LRRIQ1: variants seen among roughly 807,000 people sequenced by gnomAD.
LRRIQ1 encodes leucine rich repeats and IQ motif containing 1, also known as leucine-rich repeat- and IQ domain-containing protein 1.
A neutral mutation model predicts 211.9 loss-of-function variants in LRRIQ1; 210 were observed. The observed-to-expected ratio is 0.99, with a 90% CI of 0.89 to 1.11. LRRIQ1 has a LOEUF of 1.11. Among genes scored for constraint, LRRIQ1 ranks in the 50% most tolerant of loss-of-function variants. The pLI is 0.00. For missense variants in LRRIQ1, 2,136 were observed against 1,939.5 expected, an observed-to-expected ratio of 1.10 and a Z score of -1.90; for synonymous variants, 699 against 650.1, an observed-to-expected ratio of 1.08 and a Z score of -1.14.
intron 17 of LRRIQ1, among the ~76,000 whole-genome samples, chr12:85,126,820 G>T (rs1888399724): frequency 6.9e-6 from 1 of 145,122 alleles, no homozygotes; most frequent in African/African-American, 2.4e-5. Flanking sequence ...TCCCAGAAAT[G>T]TATTACTATG....
chr12:85,240,927 A>C (rs1206156521), intron 26 of LRRIQ1, among the ~76,000 whole-genome samples: 1 of 152,106 alleles, frequency 6.6e-6, no homozygotes, highest in Non-Finnish European at 1.5e-5. Context: ...TTGTGTCCTA[A>C]TTGTGATAAT....
At chr12:85,089,137 G>A (rs1188153696) in intron 11 of LRRIQ1, among the ~76,000 whole-genome samples, 2 of 152,178 alleles carry the variant, frequency 1.3e-5, no homozygotes, top group Non-Finnish European at 2.9e-5. Flanking sequence ...TTTATTGAGA[G>A]TTTTTAGCAT....
rs911083803 is a variant in LRRIQ1, at chr12:85,047,396, G to C, written c.604G>C (p.Glu202Gln). The C allele has an allele frequency of 1.3e-6, 2 of 1,599,234 alleles. No homozygotes were observed. The highest frequency in any genetic ancestry group is 2.7e-5 in the African/African-American group (2 of 74,512). Residue 202 changes from glutamate to glutamine, a missense_variant, in exon 6 of 27, where the codon GAA becomes CAA. Physicochemically the swap from Glu to Gln is conservative, Grantham distance 29 (BLOSUM62 2). Transcript: ENST00000393217. Reference sequence around the variant, plus strand: ...GGATAGAGAAGAAAAACAATTTCAAGAAGAAGAAGAAAAGCGACATTGCTG... The same window carrying C: ...GGATAGAGAAGAAAAACAATTTCAACAAGAAGAAGAAAAGCGACATTGCTG... ...QRDREEKQFQ[E>Q]EEEKRHCWMK...
intron 24 of LRRIQ1, among the ~76,000 whole-genome samples, chr12:85,197,885 CATA>C (rs1376454843): frequency 1.0e-4 from 12 of 119,484 alleles, no homozygotes; most frequent in East Asian, 4.6e-4. Context: ...TTTAATAAAA[CATA>C]ATAAAAATAT....
At chr12:85,200,163 T>C (rs1893220075) in intron 24 of LRRIQ1, among the ~76,000 whole-genome samples, 1 of 152,144 alleles carries the variant, frequency 6.6e-6, no homozygotes, top group Non-Finnish European at 1.5e-5. Context: ...TTTATAATTA[T>C]TGTTGTAGAG....
intron 24 of LRRIQ1, among the ~76,000 whole-genome samples, chr12:85,217,726 A>ATGTGTATATATGTATATATATGTAACTG (rs1894218373): frequency 2.1e-5 from 3 of 144,096 alleles, no homozygotes; most frequent in African/African-American, 5.4e-5. Context: ...ATATGTATAT[A>ATGTGTATATATGTATATATATGTAACTG]TGTGTATATA....
At chr12:85,220,847 G>A (rs1592989462) in intron 24 of LRRIQ1, among the ~76,000 whole-genome samples, 2 of 132,338 alleles carry the variant, frequency 1.5e-5, no homozygotes, top group African/African-American at 5.8e-5. Context: ...TCGCTCTGTC[G>A]CCCAGGTTGG....
intron 21 of LRRIQ1, 150 bp downstream of exon 21, chr12:85,153,295 G>C: frequency 1.2e-6 from 1 of 821,570 alleles, no homozygotes; most frequent in South Asian, 1.9e-5. Context: ...GTCATGAAGA[G>C]TTTTCAGTGT....
At chr12:85,185,037 G>A (rs1892162486) in intron 24 of LRRIQ1, among the ~76,000 whole-genome samples, 1 of 151,868 alleles carries the variant, frequency 6.6e-6, no homozygotes, top group Admixed American at 6.6e-5. Flanking sequence ...TTGGTCTCAA[G>A]CATTCTAAAG....
At chr12:85,244,038 G>T (rs1269991415) in intron 26 of LRRIQ1, among the ~76,000 whole-genome samples, 4 of 151,466 alleles carry the variant, frequency 2.6e-5, no homozygotes, top group African/African-American at 7.3e-5. Context: ...TTCCCTCATG[G>T]CATTTCCCCC....
At chr12:85,123,631 T>C (rs1888144350) in intron 16 of LRRIQ1, among the ~76,000 whole-genome samples, 1 of 152,168 alleles carries the variant, frequency 6.6e-6, no homozygotes, top group Non-Finnish European at 1.5e-5. Context: ...ATAAAAATTT[T>C]CCCATAATGT....
At chr12:85,202,631 T>G (rs1255061052) in intron 24 of LRRIQ1, among the ~76,000 whole-genome samples, 2 of 152,190 alleles carry the variant, frequency 1.3e-5, no homozygotes, top group African/African-American at 4.8e-5. Context: ...TTACAATTAC[T>G]TGGTAGATTT....
intron 8 of LRRIQ1, among the ~76,000 whole-genome samples, chr12:85,058,562 CTCTGT>C (rs1334170596): frequency 1.3e-5 from 2 of 151,926 alleles, no homozygotes; most frequent in Non-Finnish European, 2.9e-5. Context: ...CTTTGTAGGT[CTCTGT>C]TCTGTCCAAT....
intron 11 of LRRIQ1, among the ~76,000 whole-genome samples, chr12:85,086,434 T>C (rs1884825628): frequency 6.6e-6 from 1 of 152,064 alleles, no homozygotes; most frequent in South Asian, 2.1e-4. Context: ...TGTCACTTGC[T>C]CCTGCTTTTG....
At chr12:85,043,989 T>C (rs1156246695) in intron 3 of LRRIQ1, among the ~76,000 whole-genome samples, 1 of 152,150 alleles carries the variant, frequency 6.6e-6, no homozygotes, top group Non-Finnish European at 1.5e-5. Context: ...CTCAGAAATC[T>C]AGCTGCAAAG....
intron 1 of LRRIQ1, among the ~76,000 whole-genome samples, chr12:85,260,170 C>T (rs115421704): frequency 7.4e-6 from 1 of 135,804 alleles, no homozygotes; most frequent in Non-Finnish European, 1.6e-5. Flanking sequence ...AAGAATAAAA[C>T]CCTTTGCATG....
chr12:85,078,445 C>T (rs926311391), intron 11 of LRRIQ1, among the ~76,000 whole-genome samples: 1 of 152,090 alleles, frequency 6.6e-6, no homozygotes, highest in East Asian at 1.9e-4. Flanking sequence ...TCAGGACAGC[C>T]TACTTCAGAA....
chr12:85,184,214 A>G (rs968504897), intron 24 of LRRIQ1, among the ~76,000 whole-genome samples: 16 of 152,058 alleles, frequency 1.1e-4, no homozygotes, highest in African/African-American at 3.9e-4. Flanking sequence ...AAAAAACTTG[A>G]AATATATTAA....
chr12:85,106,657 A>G (rs764275342), intron 15 of LRRIQ1, 42 bp downstream of exon 15: 5 of 1,325,042 alleles, frequency 3.8e-6, no homozygotes, highest in Non-Finnish European at 5.3e-6. Flanking sequence ...CCATTATTAT[A>G]GTTGCAGAAA....
Sources: gnomAD v4.1 joint callset for allele counts (sites outside exome capture counted in the v4.1 genomes callset) on GRCh38, gnomAD v4.1.1 for gene constraint, MANE v1.5 for transcripts, NCBI Gene and HGNC (gene_info 2026-07-23, HGNC 2026-07-21) for gene names.